The following ANKRD31 variants were observed in gnomAD, a reference collection of about 807,000 sequenced individuals.
The protein encoded by ANKRD31 is ankyrin repeat domain 31, also known as ankyrin repeat domain-containing protein 31.
ANKRD31 carries 147 observed loss-of-function variants against 186.0 expected under a neutral mutation model. The ratio of observed to expected loss-of-function variants is 0.79; its 90% confidence interval spans 0.69 to 0.91. The LOEUF (loss-of-function observed/expected upper bound fraction) is 0.91. Ranked by LOEUF, ANKRD31 falls within the 40% of genes least tolerant of loss-of-function variation. The probability of loss-of-function intolerance (pLI) is 0.00; values close to 1 mark genes in which losing one functional copy is unlikely to be tolerated. For synonymous variants in ANKRD31, 673 were observed against 736.4 expected (o/e 0.91, Z 1.39); for missense variants, 1,986 against 2,148.8 (o/e 0.92, Z 1.50).
chr5:75,205,085 C>T lies in ANKRD31; in HGVS notation c.403+1326G>A, dbSNP rs115114661. On this transcript the variant is annotated intron_variant, in intron 5 of 25. Coordinates refer to ENST00000506364, the MANE Select transcript of ANKRD31 (RefSeq NM_001372053.1). ...CTTGCTGTGTTTCCCAGGCTGGTCT[C>T]GAACTCTTAGGCTCAAGCAATCACC... is the stretch of plus-strand genomic sequence containing the variant. Among the ~76,000 whole-genome samples, 1,223 of 152,182 alleles carry T rather than the reference C, an allele frequency of 8.0e-3. 27 individuals carry two copies. The highest frequency in any genetic ancestry group is 0.027 in the African/African-American group (1,132 of 41,540).
chr5:75,077,647 C>T (rs554975208), intron 25 of ANKRD31, among the ~76,000 whole-genome samples: 169 of 151,822 alleles, frequency 1.1e-3, no homozygotes, highest in African/African-American at 4.0e-3. Context: ...AGTTCTTGGC[C>T]GGGCGCGGTG....
intron 2 of ANKRD31, among the ~76,000 whole-genome samples, chr5:75,229,873 AAAAAAAAAAAAAAAC>A (rs1337494157): frequency 6.6e-5 from 7 of 106,220 alleles, no homozygotes; most frequent in Non-Finnish European, 6.8e-5. Context: ...TCAAAAAAAA[AAAAAAAAAAAAAAAC>A]AAAAAAAACA....
intron 22 of ANKRD31, among the ~76,000 whole-genome samples, chr5:75,095,182 A>T (rs1746220329): frequency 6.6e-6 from 1 of 152,178 alleles, no homozygotes; most frequent in South Asian, 2.1e-4. Flanking sequence ...TAAATAAAAA[A>T]TTCTTGGCCG....
chr5:75,108,075 C>T (rs185651744), intron 20 of ANKRD31, among the ~76,000 whole-genome samples: 72 of 152,002 alleles, frequency 4.7e-4, no homozygotes, highest in Non-Finnish European at 8.8e-4. Context: ...ACTGCTTCTT[C>T]TCTAATTTAT....
intron 2 of ANKRD31, 29 bp downstream of exon 2, chr5:75,230,533 G>C: frequency 6.7e-7 from 1 of 1,495,934 alleles, no homozygotes; most frequent in Non-Finnish European, 9.0e-7. Flanking sequence ...AAACTAAAGG[G>C]ACTACTTAAT....
At chr5:75,172,779 C>G (rs564147516) in intron 10 of ANKRD31, among the ~76,000 whole-genome samples, 7 of 152,016 alleles carry the variant, frequency 4.6e-5, no homozygotes, top group Admixed American at 1.3e-4. Flanking sequence ...CAGGACCAGA[C>G]AGATTCACAG....
intron 17 of ANKRD31, among the ~76,000 whole-genome samples, chr5:75,136,954 A>C (rs933003279): frequency 1.3e-4 from 20 of 152,110 alleles, no homozygotes; most frequent in Non-Finnish European, 1.6e-4. Flanking sequence ...CTTAGGTGGG[A>C]ACTGATCAAT....
At chr5:75,092,008 CT>C in intron 22 of ANKRD31, among the ~76,000 whole-genome samples, 1 of 152,298 alleles carries the variant, frequency 6.6e-6, no homozygotes, top group South Asian at 2.1e-4. Flanking sequence ...CCACCGAATG[CT>C]CAGCTCCTAA....
At chr5:75,181,776 C>G (rs1056678279) in intron 10 of ANKRD31, among the ~76,000 whole-genome samples, 1 of 151,036 alleles carries the variant, frequency 6.6e-6, no homozygotes, top group Admixed American at 6.6e-5. Flanking sequence ...GGAGATATAC[C>G]TAATGTTAAA....
At chr5:75,136,123 T>C (rs185985759) in intron 17 of ANKRD31, among the ~76,000 whole-genome samples, 8 of 152,142 alleles carry the variant, frequency 5.3e-5, no homozygotes, top group African/African-American at 1.9e-4. Flanking sequence ...CATGACTAAA[T>C]CACCAAAAGC....
chr5:75,215,745 A>C lies in ANKRD31; in HGVS notation c.289-4880T>G, dbSNP rs566144212. On this transcript the variant is annotated intron_variant, in intron 3 of 25. Coordinates refer to ENST00000506364, the MANE Select transcript of ANKRD31 (RefSeq NM_001372053.1). ...CAATATTGGTATCTGTGAATCTGGG[A>C]AGAATTTATTTAGAAACCTGTTTCA... Among the ~76,000 whole-genome samples the C allele has an allele frequency of 3.3e-5, 5 of 152,176 alleles. No individual in the cohort carries two copies. In the South Asian group the frequency reaches 1.0e-3, roughly 32 times the overall value.
chr5:75,200,011 T>C (rs752950896), intron 5 of ANKRD31, among the ~76,000 whole-genome samples: 1 of 152,190 alleles, frequency 6.6e-6, no homozygotes, highest in Non-Finnish European at 1.5e-5. Flanking sequence ...ACTTTCTCAG[T>C]GTCATTATCT....
In ANKRD31 at chr5:75,084,303, T is replaced by C. The variant is rs1019233541; in HGVS notation, c.5544A>G (p.Ser1848=). 6.5e-7 allele frequency: 1 copy of C among 1,537,084 alleles called. No homozygotes were observed. The highest frequency in any genetic ancestry group is 1.4e-5 in the African/African-American group (1 of 73,170). The change falls in exon 24 of 26, where the codon TCA becomes TCG. Residue 1848 remains serine (S), a synonymous_variant. Transcript: ENST00000506364. ...GACAAGGTTGATATTGCTGAGGTACTGAGTTTGGTTCTGGAAGTATGGGTG... is the reference window on the plus strand; with the variant it reads ...GACAAGGTTGATATTGCTGAGGTACCGAGTTTGGTTCTGGAAGTATGGGTG... The part of the protein sequence containing the change: ...EDAPILPEPN[S]VPQQYQPCLP...
chr5:75,080,968 T>C (rs1191189233), intron 24 of ANKRD31, among the ~76,000 whole-genome samples: 1 of 152,156 alleles, frequency 6.6e-6, no homozygotes, highest in Non-Finnish European at 1.5e-5. Flanking sequence ...AGAGCCATGA[T>C]TTCCATGATG....
rs1251234985 is a variant in ANKRD31, at chr5:75,146,592, A to G, written c.2819T>C (p.Met940Thr). 6.5e-7 allele frequency: 1 copy of G among 1,535,240 alleles called. No homozygotes were observed. The highest frequency in any genetic ancestry group is 8.7e-7 in the Non-Finnish European group (1 of 1,146,036). ...AGAAAGTAAAAACTGTTGGAAACCC[A>G]TTTCTTTTTTATTTGTTAAATTCTC... ...FKENLTNKKE[M>T]GFQQFLLSED... The change falls in exon 14 of 26, where the codon ATG (methionine) becomes ACG (threonine). Residue 940 changes from methionine (M) to threonine (T), a missense_variant. By Grantham distance (81) the Met-to-Thr change is moderately conservative. Transcript: ENST00000506364.
At chr5:75,195,552 A>C in intron 7 of ANKRD31, 79 bp downstream of exon 7, 2 of 1,236,274 alleles carry the variant, frequency 1.6e-6, no homozygotes, top group Non-Finnish European at 2.2e-6. Flanking sequence ...TGCTCCACTG[A>C]AAGATGCTTG....
At chr5:75,145,495 C>T (rs1751369495) in intron 14 of ANKRD31, among the ~76,000 whole-genome samples, 1 of 151,958 alleles carries the variant, frequency 6.6e-6, no homozygotes, top group Admixed American at 6.6e-5. Context: ...GAACAGAAAA[C>T]CAGACACCAC....
chr5:75,172,454 T>C (rs1408861008), intron 10 of ANKRD31, among the ~76,000 whole-genome samples: 1 of 150,478 alleles, frequency 6.6e-6, no homozygotes, highest in African/African-American at 2.4e-5. Context: ...CAGGAGCTGG[T>C]TTTTTGAAAA....
rs772413413 is a variant in ANKRD31 at position 75,104,813 on chromosome 5, A to G, written c.4746T>C (p.Asp1582=). 1.3e-6 allele frequency: 2 copies of G among 1,537,202 alleles called. No homozygotes were observed. The highest frequency in any genetic ancestry group is 1.2e-5 in the South Asian group (1 of 84,060). The change falls in exon 22 of 26, where the codon GAT becomes GAC. Residue 1582 remains aspartate, a synonymous_variant. Coordinates refer to ENST00000506364, the MANE Select transcript of ANKRD31 (RefSeq NM_001372053.1). The stretch of plus-strand genomic sequence containing the variant: ...ATTTTGGAAAACCATCCAAGGTACA[A>G]TCACTGCCATTTTGTTTAGAATTCA... ...NDMNSKQNGS[D]CTLDGFPKSR...
Sources: gnomAD v4.1 joint callset for allele counts (sites outside exome capture counted in the v4.1 genomes callset) on GRCh38, gnomAD v4.1.1 for gene constraint, MANE v1.5 for transcripts, NCBI Gene and HGNC (gene_info 2026-07-23, HGNC 2026-07-21) for gene names.